Variants in UGT1A8 observed in about 807,000 individuals in gnomAD.
UGT1A8 encodes the protein UDP glucuronosyltransferase family 1 member A8, also known as UDP-glucuronosyltransferase 1A8.
Under a neutral mutation model 45.3 loss-of-function variants are expected in UGT1A8, and 39 were observed. The observed-to-expected ratio is 0.86, with a 90% CI of 0.67 to 1.12. The LOEUF (loss-of-function observed/expected upper bound fraction) is 1.12. Among genes scored for constraint, UGT1A8 ranks in the 50% most tolerant of loss-of-function variants. The pLI, the probability that UGT1A8 is intolerant of heterozygous loss-of-function variation, is 0.00. For missense variants in UGT1A8, 719 were observed against 664.9 expected (o/e 1.08, Z -0.90); for synonymous variants, 275 against 249.2 (o/e 1.10, Z -0.97).
At chr2:233,691,354 A>G in intron 1 of UGT1A8, 1 of 985,506 alleles carries the variant, frequency 1.0e-6, no homozygotes, top group Non-Finnish European at 1.2e-6. Flanking sequence ...CATGCCTTGA[A>G]CAATGAATTT....
At chr2:233,690,502 A>C in intron 1 of UGT1A8, 2 of 1,289,594 alleles carry the variant, frequency 1.6e-6, no homozygotes, top group Non-Finnish European at 2.0e-6. Context: ...TTGCCAACAG[A>C]GATTTGTTTT....
intron 1 of UGT1A8, among the ~76,000 whole-genome samples, chr2:233,725,002 GC>G (rs1483949172): frequency 7.5e-6 from 1 of 134,040 alleles, no homozygotes; most frequent in African/African-American, 3.7e-5. Flanking sequence ...CTGGAGACCG[GC>G]CCGGCCAAAC....
intron 1 of UGT1A8, chr2:233,636,378 T>C (rs2073289458): frequency 6.2e-6 from 8 of 1,294,048 alleles, no homozygotes; most frequent in African/African-American, 1.6e-5. Flanking sequence ...GAGTAAATCA[T>C]TGGCAGTGAG....
At chr2:233,642,414 C>T (rs2073475600) in intron 1 of UGT1A8, among the ~76,000 whole-genome samples, 1 of 152,128 alleles carries the variant, frequency 6.6e-6, no homozygotes, top group Non-Finnish European at 1.5e-5. Flanking sequence ...TTCTGAATTC[C>T]TCCTCTGTGT....
rs111776602 is a variant in UGT1A8, at chr2:233,630,394, C to T, written c.855+11832C>T. Reference sequence around the variant, plus strand: ...TCCTTAAGGTGTTGCCTGACACACACTGCTTAGCTCATCCATGAAGGTATC... The same window carrying T: ...TCCTTAAGGTGTTGCCTGACACACATTGCTTAGCTCATCCATGAAGGTATC... On this transcript the variant is annotated intron_variant, in intron 1 of 4. Transcript: ENST00000373450. Among the ~76,000 whole-genome samples the T allele has an allele frequency of 1.9e-3, 285 of 152,282 alleles. 1 individual carries two copies. Among genetic ancestry groups the T allele is most frequent in the African/African-American group, 6.5e-3 (269 of 41,556 alleles).
intron 1 of UGT1A8, chr2:233,672,053 C>A: frequency 6.2e-7 from 1 of 1,614,098 alleles, no homozygotes; most frequent in African/African-American, 1.3e-5. Flanking sequence ...CACTGGTTCA[C>A]CATGAGGTCG....
intron 2 of UGT1A8, 122 bp from the exon 3 acceptor site, chr2:233,767,727 T>A (rs28946890): frequency 6.4e-7 from 1 of 1,556,204 alleles, no homozygotes; most frequent in Non-Finnish European, 8.7e-7. Flanking sequence ...CAGTTACTGA[T>A]CCTCCCACTC....
At chr2:233,706,628 T>C (rs1559354797) in intron 1 of UGT1A8, among the ~76,000 whole-genome samples, 1 of 152,116 alleles carries the variant, frequency 6.6e-6, no homozygotes, top group African/African-American at 2.4e-5. Context: ...GAAATGAGTG[T>C]TTCTACTGTG....
chr2:233,619,028 G>A (rs2072952206), intron 1 of UGT1A8, among the ~76,000 whole-genome samples: 1 of 152,052 alleles, frequency 6.6e-6, no homozygotes, highest in Non-Finnish European at 1.5e-5. Context: ...ACCACAGCAA[G>A]AAATGAAACT....
At chr2:233,715,722 T>C (rs754383024) in intron 1 of UGT1A8, among the ~76,000 whole-genome samples, 5 of 152,106 alleles carry the variant, frequency 3.3e-5, no homozygotes, top group Non-Finnish European at 5.9e-5. Flanking sequence ...CAGTGTGCCA[T>C]GTTCACGCCA....
At chr2:233,668,204 C>T (rs1335305954) in intron 1 of UGT1A8, among the ~76,000 whole-genome samples, 1 of 152,140 alleles carries the variant, frequency 6.6e-6, no homozygotes, top group African/African-American at 2.4e-5. Context: ...ATCCCTCCCC[C>T]ATACCCCCAC....
intron 1 of UGT1A8, among the ~76,000 whole-genome samples, chr2:233,623,464 G>GA (rs1477493968): frequency 7.2e-5 from 11 of 152,006 alleles, no homozygotes; most frequent in Non-Finnish European, 1.6e-4. Context: ...TGGATTCCTA[G>GA]GTGTTTTATT....
intron 1 of UGT1A8, chr2:233,747,809 G>A (rs955692001): frequency 4.3e-6 from 7 of 1,613,214 alleles, no homozygotes; most frequent in Admixed American, 3.3e-5. Flanking sequence ...AGTTACTAAC[G>A]ACCAATTCAG....
At chr2:233,723,643 A>G in intron 1 of UGT1A8, among the ~76,000 whole-genome samples, 1 of 102,338 alleles carries the variant, frequency 9.8e-6, no homozygotes, top group Non-Finnish European at 1.9e-5. Context: ...AAGTGAACAA[A>G]GGTCTCTGGT....
chr2:233,722,946 TGAG>T (rs1439594890), intron 1 of UGT1A8, among the ~76,000 whole-genome samples: 3 of 133,040 alleles, frequency 2.3e-5, no homozygotes, highest in African/African-American at 2.8e-5. Flanking sequence ...CTGAGTGGGC[TGAG>T]GAGGAGGAGG....
chr2:233,668,537 G>A (rs1337290026), intron 1 of UGT1A8, among the ~76,000 whole-genome samples: 3 of 152,146 alleles, frequency 2.0e-5, no homozygotes, highest in Non-Finnish European at 2.9e-5. Flanking sequence ...TGTCTTTATA[G>A]TACCATGATT....
chr2:233,672,551 G>C, intron 1 of UGT1A8: 1 of 1,613,946 alleles, frequency 6.2e-7, no homozygotes, highest in Non-Finnish European at 8.5e-7. Context: ...TTCAAGGAGA[G>C]AGTACGGAAC....
chr2:233,713,539 A>G, intron 1 of UGT1A8: 1 of 1,613,964 alleles, frequency 6.2e-7, no homozygotes, highest in Non-Finnish European at 8.5e-7. Flanking sequence ...TTAGACTTTA[A>G]GGGCACACAG....
At chr2:233,652,204 T>G (rs2073759560) in intron 1 of UGT1A8, among the ~76,000 whole-genome samples, 1 of 152,202 alleles carries the variant, frequency 6.6e-6, no homozygotes, top group East Asian at 1.9e-4. Flanking sequence ...ATTGTGAGAT[T>G]CAAATTAAGA....
Sources: allele counts gnomAD v4.1 joint callset (sites outside exome capture counted in the v4.1 genomes callset), GRCh38; gene constraint gnomAD v4.1.1; transcripts MANE v1.5; gene names NCBI Gene and HGNC (gene_info 2026-07-23, HGNC 2026-07-21).